Variants in PRKCA observed in about 807,000 individuals in gnomAD.
The protein encoded by PRKCA is protein kinase C alpha type.
A neutral mutation model predicts 87.0 loss-of-function variants in PRKCA; 27 were observed. The observed-to-expected ratio is 0.31, with a 90% CI of 0.23 to 0.43. The LOEUF (loss-of-function observed/expected upper bound fraction) is 0.43, where lower values mean the gene tolerates loss of function less well. PRKCA is among the 20% of genes least tolerant of loss of function. The probability of loss-of-function intolerance (pLI) is 1.00; values close to 1 mark genes in which losing one functional copy is unlikely to be tolerated. For missense variants in PRKCA, 518 were observed against 852.3 expected, an observed-to-expected ratio of 0.61 and a Z score of 4.88; for synonymous variants, 329 against 311.1, an observed-to-expected ratio of 1.06 and a Z score of -0.61.
At chr17:66,673,352 T>C (rs1972244280) in intron 5 of PRKCA, among the ~76,000 whole-genome samples, 1 of 152,202 alleles carries the variant, frequency 6.6e-6, no homozygotes, top group Non-Finnish European at 1.5e-5. Context: ...TTCACTCTTA[T>C]CACCAAGCAG....
chr17:66,320,969 A>G (rs779932985), intron 2 of PRKCA, among the ~76,000 whole-genome samples: 5 of 152,180 alleles, frequency 3.3e-5, no homozygotes, highest in Non-Finnish European at 7.3e-5. Context: ...AATTGAAATT[A>G]TTTCTGAGTG....
At chr17:66,380,213 T>TG (rs1251830441) in intron 2 of PRKCA, among the ~76,000 whole-genome samples, 1 of 151,960 alleles carries the variant, frequency 6.6e-6, no homozygotes, top group Non-Finnish European at 1.5e-5. Flanking sequence ...CATAGGGTTT[T>TG]TTTTTTTTTA....
At chr17:66,562,639 C>T (rs1470570776) in intron 3 of PRKCA, among the ~76,000 whole-genome samples, 1 of 152,042 alleles carries the variant, frequency 6.6e-6, no homozygotes, top group Non-Finnish European at 1.5e-5. Context: ...CTGAGTCACC[C>T]AGGCTGGAGT....
chr17:66,747,159 T>A (rs1396227664), intron 13 of PRKCA, among the ~76,000 whole-genome samples: 1 of 152,196 alleles, frequency 6.6e-6, no homozygotes, highest in Non-Finnish European at 1.5e-5. Context: ...AGTCTCAATC[T>A]CCTGGGCTCA....
Position 66,689,143 on chromosome 17 carries a change from A to G in PRKCA, c.918+96A>G, listed in dbSNP as rs1391283005. ...GTGGTCACATTTTTGAAAAGCAAAAAAAAAGTAATCTCAATGTTAATGATC... is the reference window on the plus strand; with the variant it reads ...GTGGTCACATTTTTGAAAAGCAAAAGAAAAGTAATCTCAATGTTAATGATC... On this transcript the variant is annotated intron_variant, in intron 8 of 16. Coordinates refer to ENST00000413366, the MANE Select transcript of PRKCA (RefSeq NM_002737.3). The surrounding 1 kb of genome is among the most constrained non-coding windows in gnomAD (Gnocchi z 4.1). The G allele has an allele frequency of 2.0e-5, 14 of 685,124 alleles. No homozygotes were observed. Among genetic ancestry groups the G allele is most frequent in the Non-Finnish European group, 3.4e-5 (14 of 416,618 alleles). 42.4% of individuals were successfully genotyped at this position (685,124 alleles called of 1,614,324 possible).
intron 9 of PRKCA, among the ~76,000 whole-genome samples, chr17:66,733,679 C>T (rs1325072071): frequency 6.6e-6 from 1 of 152,176 alleles, no homozygotes; most frequent in Non-Finnish European, 1.5e-5. Context: ...GTGATCCCAG[C>T]TACTCGGGAA....
At position 66,685,875 on chromosome 17, in the gene PRKCA, G is replaced by A. The variant is rs554241027; in HGVS notation, c.530-1236G>A. Among the ~76,000 whole-genome samples the A allele has an allele frequency of 7.9e-5, 12 of 152,294 alleles. No individual in the cohort carries two copies. The South Asian group carries it at 2.5e-3, about 32-fold the overall frequency. ...AGATCTGTGGTTCTGCAACTTTTATGGACATCAGAATCACCTGGAGGCTTG... is the reference window on the plus strand; with the variant it reads ...AGATCTGTGGTTCTGCAACTTTTATAGACATCAGAATCACCTGGAGGCTTG... On this transcript the variant is annotated intron_variant, in intron 5 of 16. Coordinates refer to ENST00000413366, the MANE Select transcript of PRKCA (RefSeq NM_002737.3).
intron 2 of PRKCA, among the ~76,000 whole-genome samples, chr17:66,325,299 A>C (rs1243040962): frequency 6.6e-6 from 1 of 151,978 alleles, no homozygotes; most frequent in East Asian, 1.9e-4. Flanking sequence ...AAAATGTTAA[A>C]TTTTTCTAAT....
At chr17:66,742,878 A>C in intron 13 of PRKCA, 118 bp downstream of exon 13, 2 of 1,132,940 alleles carry the variant, frequency 1.8e-6, no homozygotes, top group Non-Finnish European at 2.5e-6. Flanking sequence ...CAGCCACTAA[A>C]TGGACTAAAC....
At chr17:66,335,308 T>G (rs773241788) in intron 2 of PRKCA, among the ~76,000 whole-genome samples, 9 of 152,098 alleles carry the variant, frequency 5.9e-5, no homozygotes, top group African/African-American at 7.2e-5. Context: ...TTTTTGATTT[T>G]TTTTTTAGTG....
chr17:66,363,121 C>A (rs9895580), intron 2 of PRKCA, among the ~76,000 whole-genome samples: 81,938 of 152,094 alleles, frequency 0.54, 23,591 homozygotes, highest in Non-Finnish European at 0.65. Context: ...TACATCCTTT[C>A]ACTCACACTA....
intron 2 of PRKCA, among the ~76,000 whole-genome samples, chr17:66,476,346 G>A (rs1351286968): frequency 6.6e-6 from 1 of 152,200 alleles, no homozygotes; most frequent in African/African-American, 2.4e-5. Flanking sequence ...GTGCTTGGGG[G>A]CATGTTGCCT....
At chr17:66,461,846 A>G (rs1340630533) in intron 2 of PRKCA, among the ~76,000 whole-genome samples, 2 of 150,772 alleles carry the variant, frequency 1.3e-5, no homozygotes, top group African/African-American at 2.5e-5. Flanking sequence ...TAATGGGTGT[A>G]TAGGCACTGG....
Position 66,699,054 on chromosome 17 carries a change from C to T in PRKCA, c.918+10007C>T, listed in dbSNP as rs550525285. On this transcript the variant is annotated intron_variant, in intron 8 of 16. Coordinates refer to ENST00000413366, the MANE Select transcript of PRKCA (RefSeq NM_002737.3). ...ATGGACAGTAGAAAAGGTAAGCAAGCCAGGCACAGTAGCATGTGCCTGTAG... is the reference window on the plus strand; with the variant it reads ...ATGGACAGTAGAAAAGGTAAGCAAGTCAGGCACAGTAGCATGTGCCTGTAG... Among the ~76,000 whole-genome samples the T allele has an allele frequency of 3.6e-4, 53 of 149,072 alleles. 1 individual carries two copies. The South Asian group carries it at 0.011, about 31-fold the overall frequency.
chr17:66,562,252 TA>T (rs60364973), intron 3 of PRKCA, among the ~76,000 whole-genome samples: 60,055 of 105,596 alleles, frequency 0.57, 19,778 homozygotes, highest in African/African-American at 0.78. Context: ...CTCACCACAA[TA>T]AAAAAAAAAG....
intron 8 of PRKCA, among the ~76,000 whole-genome samples, chr17:66,695,594 A>G (rs1972898145): frequency 1.3e-5 from 2 of 152,184 alleles, no homozygotes; most frequent in African/African-American, 2.4e-5. Flanking sequence ...TTCGTTCATC[A>G]TTTAAAAAAC....
chr17:66,791,496 C>T (rs1389629100), intron 16 of PRKCA, among the ~76,000 whole-genome samples: 2 of 152,228 alleles, frequency 1.3e-5, no homozygotes, highest in African/African-American at 2.4e-5. Context: ...ACGCTGTGTT[C>T]AAAAGCGGAG....
chr17:66,711,794 C>G (rs1185262148), intron 8 of PRKCA, among the ~76,000 whole-genome samples: 1 of 152,170 alleles, frequency 6.6e-6, no homozygotes, highest in African/African-American at 2.4e-5. Flanking sequence ...GTCCTAAAGA[C>G]AGCATCTAAT....
intron 2 of PRKCA, among the ~76,000 whole-genome samples, chr17:66,319,183 A>T (rs1905502389): frequency 6.6e-6 from 1 of 152,124 alleles, no homozygotes; most frequent in African/African-American, 2.4e-5. Context: ...GTGGTCTGCC[A>T]TGAATCTAAT....
Sources: gnomAD v4.1 joint callset for allele counts (sites outside exome capture counted in the v4.1 genomes callset) on GRCh38, gnomAD v4.1.1 for gene constraint, Gnocchi (gnomAD v3.1) non-coding constraint, MANE v1.5 for transcripts, NCBI Gene and HGNC (gene_info 2026-07-23, HGNC 2026-07-21) for gene names.